Variants in COL26A1 observed in about 807,000 individuals in gnomAD.
COL26A1 encodes collagen type XXVI alpha 1 chain, also known as collagen alpha-1(XXVI) chain.
In COL26A1, 41 loss-of-function variants were observed where a neutral mutation model predicts 59.3. The observed-to-expected ratio is 0.69, with a 90% CI of 0.54 to 0.90. The LOEUF is 0.90. Ranked by LOEUF, COL26A1 falls within the 40% of genes least tolerant of loss-of-function variation. The pLI, the probability that COL26A1 is intolerant of heterozygous loss-of-function variation, is 0.00. For missense variants in COL26A1, 612 were observed against 602.3 expected (o/e 1.02, Z -0.17); for synonymous variants, 266 against 256.0 (o/e 1.04, Z -0.37).
chr7:101,433,305 C>T (rs1166739183), intron 2 of COL26A1, among the ~76,000 whole-genome samples: 1 of 152,090 alleles, frequency 6.6e-6, no homozygotes, highest in Non-Finnish European at 1.5e-5. Flanking sequence ...GCCTGAGCAA[C>T]CAGAGCCAGA....
At chr7:101,519,212 A>G (rs2130605529) in intron 3 of COL26A1, among the ~76,000 whole-genome samples, 1 of 152,342 alleles carries the variant, frequency 6.6e-6, no homozygotes, top group Admixed American at 6.5e-5. Flanking sequence ...ACTAATGCTC[A>G]TGCACCTTTT....
At chr7:101,478,274 C>A (rs373400429) in intron 3 of COL26A1, among the ~76,000 whole-genome samples, 22 of 152,324 alleles carry the variant, frequency 1.4e-4, no homozygotes, top group African/African-American at 4.1e-4. Flanking sequence ...AGCCGCCACG[C>A]CCAGCTCATT....
chr7:101,397,579 C>T (rs1336577686), intron 1 of COL26A1, among the ~76,000 whole-genome samples: 1 of 148,980 alleles, frequency 6.7e-6, no homozygotes, highest in Non-Finnish European at 1.5e-5. Flanking sequence ...CTCTGTCACC[C>T]AGGGTGATGT....
chr7:101,451,813 T>C (rs1793347030), intron 3 of COL26A1, among the ~76,000 whole-genome samples: 1 of 151,800 alleles, frequency 6.6e-6, no homozygotes, highest in Admixed American at 6.6e-5. Context: ...CAAGCGATTG[T>C]CCCACCTCAG....
At chr7:101,434,741 G>T (rs1792875584) in intron 2 of COL26A1, among the ~76,000 whole-genome samples, 2 of 152,188 alleles carry the variant, frequency 1.3e-5, no homozygotes, top group Admixed American at 1.3e-4. Context: ...GCCTGCTCCG[G>T]TTGGGTGTAC....
intron 1 of COL26A1, among the ~76,000 whole-genome samples, chr7:101,366,740 A>G (rs1377857559): frequency 6.6e-6 from 1 of 151,932 alleles, no homozygotes; most frequent in Admixed American, 6.6e-5. Context: ...GCTTCAAGTA[A>G]TCCTTCAGCT....
intron 2 of COL26A1, among the ~76,000 whole-genome samples, chr7:101,421,292 G>A (rs1414878612): frequency 1.3e-5 from 2 of 152,194 alleles, no homozygotes; most frequent in Admixed American, 1.3e-4. Context: ...CTCCGGGGAA[G>A]TCAGTCTTTT....
chr7:101,483,162 G>C (rs1480419463), intron 3 of COL26A1, among the ~76,000 whole-genome samples: 1 of 151,782 alleles, frequency 6.6e-6, no homozygotes, highest in Non-Finnish European at 1.5e-5. Context: ...CACTACATTT[G>C]TCTCTGTCAC....
intron 1 of COL26A1, among the ~76,000 whole-genome samples, chr7:101,411,394 C>T (rs972785978): frequency 1.3e-5 from 2 of 151,806 alleles, no homozygotes; most frequent in Non-Finnish European, 2.9e-5. Context: ...GAGAGCGCGC[C>T]CTCTGGTGGT....
chr7:101,503,791 C>T (rs1045102735), intron 3 of COL26A1, among the ~76,000 whole-genome samples: 4 of 152,248 alleles, frequency 2.6e-5, no homozygotes, highest in African/African-American at 9.6e-5. Context: ...CCTGAAGTCA[C>T]AGGCACTGGT....
chr7:101,545,630 GCCTCCTCC>G, intron 7 of COL26A1, 140 bp downstream of exon 7: 1 of 842,166 alleles, frequency 1.2e-6, no homozygotes, highest in Non-Finnish European at 1.7e-6. Flanking sequence ...ACTCCTGCAG[GCCTCCTCC>G]AGGAAGCCCT....
intron 1 of COL26A1, among the ~76,000 whole-genome samples, chr7:101,366,853 G>T (rs1404636144): frequency 6.6e-6 from 1 of 152,074 alleles, no homozygotes; most frequent in East Asian, 1.9e-4. Context: ...AAATAAGTCT[G>T]CTTATTGGTT....
intron 3 of COL26A1, among the ~76,000 whole-genome samples, chr7:101,455,398 C>A (rs1793444986): frequency 6.6e-6 from 1 of 152,080 alleles, no homozygotes; most frequent in Non-Finnish European, 1.5e-5. Flanking sequence ...AACATAGAAA[C>A]ACGTAGTATT....
At chr7:101,527,092 T>C (rs1229722658) in intron 3 of COL26A1, among the ~76,000 whole-genome samples, 1 of 151,794 alleles carries the variant, frequency 6.6e-6, no homozygotes, top group Non-Finnish European at 1.5e-5. Context: ...CACCTCAGCC[T>C]CCTGAGTAGC....
chr7:101,540,130 G>T, intron 5 of COL26A1, 81 bp downstream of exon 5: 1 of 1,408,616 alleles, frequency 7.1e-7, no homozygotes, highest in South Asian at 1.4e-5. Context: ...CCCTAGAGAG[G>T]CCACACACTA....
intron 3 of COL26A1, among the ~76,000 whole-genome samples, chr7:101,451,787 A>G (rs6465808): frequency 0.9 from 136,030 of 150,618 alleles, 61,897 homozygotes; most frequent in African/African-American, 0.98. Flanking sequence ...TCACTGCAAC[A>G]TCAGCCTCCT....
At chr7:101,446,673 C>A (rs1377596694) in intron 2 of COL26A1, among the ~76,000 whole-genome samples, 1 of 151,986 alleles carries the variant, frequency 6.6e-6, no homozygotes, top group Non-Finnish European at 1.5e-5. Context: ...ATGGTGAAAC[C>A]CTGTCTCTAC....
chr7:101,428,616 G>A (rs914313932), intron 2 of COL26A1, among the ~76,000 whole-genome samples: 2 of 152,100 alleles, frequency 1.3e-5, no homozygotes, highest in Non-Finnish European at 2.9e-5. Context: ...GCATGTGTAA[G>A]GTTGTGGTGG....
rs936011582 is a variant in COL26A1, at chr7:101,447,565, G to A, written c.282-119G>A. ...CACGGACCCCGGCAGTGGTTTCCAC[G>A]CCATGGGGGCCTCCCGGAGCCCTGG... On this transcript the variant is annotated intron_variant, in intron 2 of 12. Transcript: ENST00000313669. The A allele has an allele frequency of 1.8e-5, 12 of 663,266 alleles. No homozygotes were observed. The East Asian group carries it at 2.0e-4, about 11-fold the overall frequency. 41.1% of individuals were successfully genotyped at this position (663,266 alleles called of 1,614,324 possible). A position where few individuals can be genotyped will look rare whatever the true frequency, so the allele number is the denominator to read the frequency against.
Sources: gnomAD v4.1 joint callset for allele counts (sites outside exome capture counted in the v4.1 genomes callset) on GRCh38, gnomAD v4.1.1 for gene constraint, MANE v1.5 for transcripts, NCBI Gene and HGNC (gene_info 2026-07-23, HGNC 2026-07-21) for gene names.